Variants in FNBP4 observed in about 807,000 individuals in gnomAD.
The protein encoded by FNBP4 is formin-binding protein 4.
A neutral mutation model predicts 119.3 loss-of-function variants in FNBP4; 34 were observed. That is an observed-to-expected ratio of 0.28 (90% confidence interval 0.22 to 0.38). FNBP4 has a LOEUF of 0.38. FNBP4 is among the 10% of genes least tolerant of loss of function. FNBP4 has a pLI of 1.00. For missense variants in FNBP4, 1,112 were observed against 1,228.9 expected, an observed-to-expected ratio of 0.90 and a Z score of 1.42; for synonymous variants, 462 against 430.6, an observed-to-expected ratio of 1.07 and a Z score of -0.90.
At chr11:47,766,133 C>T (rs1002798836) in intron 1 of FNBP4, among the ~76,000 whole-genome samples, 1 of 151,878 alleles carries the variant, frequency 6.6e-6, no homozygotes, top group Non-Finnish European at 1.5e-5. Context: ...GCCCGGGAAA[C>T]ATGAACTCCG....
At chr11:47,729,588 C>A (rs1305633003) in intron 12 of FNBP4, 1 of 946,360 alleles carries the variant, frequency 1.1e-6, no homozygotes, top group African/African-American at 1.8e-5. Flanking sequence ...TGGCTTACTG[C>A]AGCCTCAAAA....
At chr11:47,742,903 TAAAAAG>T (rs941625911) in intron 8 of FNBP4, among the ~76,000 whole-genome samples, 1 of 151,362 alleles carries the variant, frequency 6.6e-6, no homozygotes, top group Non-Finnish European at 1.5e-5. Context: ...AAAATATAAA[TAAAAAG>T]AAAAGAAAAA....
chr11:47,753,778 A>G (rs1397227131), intron 3 of FNBP4, among the ~76,000 whole-genome samples: 1 of 152,144 alleles, frequency 6.6e-6, no homozygotes, highest in Non-Finnish European at 1.5e-5. Flanking sequence ...CCTGGGTGAC[A>G]GTAAGACCCA....
rs751135047 is a variant in FNBP4 at position 47,724,643 on chromosome 11, G to C, written c.2144C>G (p.Pro715Arg). ...PPLPLEMPPP[P>R]PPPPESPPPP... ...TGGAGGTGATTCTGGAGGTGGAGGT[G>C]GGGGTGGTGGCATTTCCAAGGGTAA... Residue 715 changes from proline (P) to arginine (R), a missense_variant, in exon 13 of 17, where the codon CCA becomes CGA. By Grantham distance (103) the Pro-to-Arg change is moderately radical (BLOSUM62 -2). Transcript: ENST00000263773. The C allele has an allele frequency of 4.3e-6, 7 of 1,614,094 alleles. No homozygotes were observed. The highest frequency in any genetic ancestry group is 5.9e-6 in the Non-Finnish European group (7 of 1,179,996).
In FNBP4 at chr11:47,732,500, C is replaced by T; in HGVS notation, c.1820+37G>A. 1 of 1,612,694 alleles carries T rather than the reference C, an allele frequency of 6.2e-7. No individual in the cohort carries two copies. Among genetic ancestry groups the T allele is most frequent in the East Asian group, 2.2e-5 (1 of 44,842 alleles). On this transcript the variant is annotated intron_variant, in intron 11 of 16. Transcript: ENST00000263773. The surrounding 1 kb of genome is among the most constrained non-coding windows in gnomAD (Gnocchi z 4.2). ...TGATCACAAATCATGTCTGAGATGTCAAAGGTGAAAGGTGAAAAGGGGAGA... is the reference window on the plus strand; with the variant it reads ...TGATCACAAATCATGTCTGAGATGTTAAAGGTGAAAGGTGAAAAGGGGAGA...
In FNBP4 at chr11:47,717,181, G is replaced by A. The variant is rs138159423; in HGVS notation, c.*241C>T. On this transcript the variant is annotated 3_prime_UTR_variant, in exon 17 of 17. Transcript: ENST00000263773. Reference sequence around the variant, plus strand: ...GAGGTTAATACACCTAACATGCTAAGTTTGCCAGTTTGAGAATAAAGGCAG... The same window carrying A: ...GAGGTTAATACACCTAACATGCTAAATTTGCCAGTTTGAGAATAAAGGCAG... 1,111 of 451,264 alleles carry A rather than the reference G, an allele frequency of 2.5e-3. No individual in the cohort carries two copies. The highest frequency in any genetic ancestry group is 0.012 in the Middle Eastern group (19 of 1,616). The allele number at this position is 451,264 out of a possible 1,614,324, so 28.0% of individuals were successfully genotyped here.
At chr11:47,755,702 G>A (rs1057317860) in intron 2 of FNBP4, among the ~76,000 whole-genome samples, 2 of 150,866 alleles carry the variant, frequency 1.3e-5, no homozygotes, top group African/African-American at 4.9e-5. Flanking sequence ...GAGGTGCAAG[G>A]ATAGCTTGAG....
chr11:47,736,238 CTT>C (rs764103106), intron 9 of FNBP4, among the ~76,000 whole-genome samples: 32 of 111,394 alleles, frequency 2.9e-4, no homozygotes, highest in East Asian at 1.1e-3. Flanking sequence ...AACACTCTCT[CTT>C]GGGAAAAAAA....
intron 6 of FNBP4, among the ~76,000 whole-genome samples, chr11:47,747,540 C>T (rs187348805): frequency 2.4e-3 from 372 of 152,264 alleles, no homozygotes; most frequent in Middle Eastern, 0.014. Context: ...CTCCTGACCT[C>T]AGGTGATCTG....
chr11:47,732,750 C>A lies in FNBP4; in HGVS notation c.1687-80G>T. 1.5e-6 allele frequency: 2 copies of A among 1,335,238 alleles called. No individual in the cohort carries two copies. The highest frequency in any genetic ancestry group is 2.1e-6 in the Non-Finnish European group (2 of 934,992). The allele number at this position is 1,335,238 out of a possible 1,614,324, so 82.7% of individuals were successfully genotyped here. On this transcript the variant is annotated intron_variant, in intron 10 of 16. Transcript: ENST00000263773. The surrounding 1 kb of genome is among the most constrained non-coding windows in gnomAD (Gnocchi z 4.2). ...AGGCAAAGGGGATATAAACCTTCTG[C>A]TCCAAGACTATATCCCTGTGCTCTG...
chr11:47,723,697 C>T (rs562574924), intron 14 of FNBP4, among the ~76,000 whole-genome samples: 3 of 152,098 alleles, frequency 2.0e-5, no homozygotes, highest in South Asian at 2.1e-4. Flanking sequence ...CCTGAGTAGC[C>T]GGGACTACAG....
chr11:47,765,331 T>A lies in FNBP4; in HGVS notation c.252A>T (p.Arg84Ser). The change falls in exon 2 of 17, where the codon AGA (arginine) becomes AGT (serine). Residue 84 changes from arginine to serine, a missense_variant. By Grantham distance (110) the Arg-to-Ser change is moderately radical (BLOSUM62 -1). Transcript: ENST00000263773. ...DEQEAVQEVP[R>S]VVQNPPKPVM... is the part of the protein sequence containing the mutation. ...CTGGTTTTGGAGGATTCTGAACAAC[T>A]CTAGGAACCTCCTGCACCGCTTCCT... The A allele has an allele frequency of 1.2e-6, 2 of 1,609,286 alleles. No individual in the cohort carries two copies. Among genetic ancestry groups the A allele is most frequent in the Non-Finnish European group, 1.7e-6 (2 of 1,178,256 alleles).
chr11:47,745,972 A>G, intron 7 of FNBP4, 84 bp downstream of exon 7: 3 of 1,218,506 alleles, frequency 2.5e-6, no homozygotes, highest in South Asian at 1.6e-5. Flanking sequence ...CAAAATCCCA[A>G]TAATGGTTGT....
Position 47,718,905 on chromosome 11 carries a change from GT to G in FNBP4, c.2963+1023del, listed in dbSNP as rs35422529. ...GTGAGCCACAGTGCCCACCCAACATGTTTTTTTTTTTTTTTTTTGAGATGGA... is the reference window on the plus strand; with the variant it reads ...GTGAGCCACAGTGCCCACCCAACATGTTTTTTTTTTTTTTTTTGAGATGGA... On this transcript the variant is annotated intron_variant, in intron 16 of 16. Coordinates refer to ENST00000263773, the MANE Select transcript of FNBP4 (RefSeq NM_015308.5). Among the ~76,000 whole-genome samples, 482 of 130,322 alleles carry G rather than the reference GT, an allele frequency of 3.7e-3. 4 individuals are homozygous for G. The highest frequency in any genetic ancestry group is 2.6e-3 in the Non-Finnish European group (161 of 61,498). The allele number at this position is 130,322 out of a possible 152,430, so 85.5% of individuals were successfully genotyped here. A position where few individuals can be genotyped will look rare whatever the true frequency, so the allele number is the denominator to read the frequency against.
chr11:47,729,567 T>C (rs545619832), intron 12 of FNBP4: 321 of 964,040 alleles, frequency 3.3e-4, no homozygotes, highest in Middle Eastern at 5.3e-4. Flanking sequence ...TGGAGTGCAG[T>C]GGTACAATTA....
chr11:47,767,051 C>A lies in FNBP4; in HGVS notation c.220+18G>T. The A allele has an allele frequency of 1.3e-6, 2 of 1,520,528 alleles. No individual in the cohort carries two copies. Among genetic ancestry groups the A allele is most frequent in the South Asian group, 1.2e-5 (1 of 82,700 alleles). 94.2% of individuals were successfully genotyped at this position (1,520,528 alleles called of 1,614,324 possible). ...GCAAGCCCTGAGCTCGAGTTCAGGT[C>A]CCCCCGCGCACCCTTGCCTTCTGAA... On this transcript the variant is annotated intron_variant, in intron 1 of 16. Transcript: ENST00000263773.
In FNBP4 at chr11:47,746,231, T is replaced by G. The variant is rs1230031289; in HGVS notation, c.1070A>C (p.Glu357Ala). Reference sequence around the variant, plus strand: ...TGCTTCTTCTACTGTTGTACTTGTTTCTTTTACTTCTGAAACTGGCTCCTC... The same window carrying G: ...TGCTTCTTCTACTGTTGTACTTGTTGCTTTTACTTCTGAAACTGGCTCCTC... ...CKEEPVSEVK[E>A]TSTTVEEATT... Residue 357 changes from glutamate (E) to alanine (A), a missense_variant, in exon 7 of 17, where the codon GAA becomes GCA. Glu to Ala is a moderately radical substitution (Grantham distance 107). Transcript: ENST00000263773. The G allele has an allele frequency of 6.2e-7, 1 of 1,614,218 alleles. No homozygotes were observed. The highest frequency in any genetic ancestry group is 8.5e-7 in the Non-Finnish European group (1 of 1,180,042).
At position 47,724,483 on chromosome 11, in the gene FNBP4, T is replaced by C. The variant is rs760610404; in HGVS notation, c.2304A>G (p.Thr768=). 1.2e-6 allele frequency: 2 copies of C among 1,614,096 alleles called. No individual in the cohort carries two copies. Among genetic ancestry groups the C allele is most frequent in the Non-Finnish European group, 1.7e-6 (2 of 1,180,034 alleles). The change falls in exon 13 of 17, where the codon ACA becomes ACG. Residue 768 remains threonine, a synonymous_variant. Transcript: ENST00000263773. ...DTPLKPSAQT[T]VVTSQSSVDS... Reference sequence around the variant, plus strand: ...AATTACTTACCTGGCTAGTTACAACTGTGGTTTGTGCTGAAGGTTTCAAAG... The same window carrying C: ...AATTACTTACCTGGCTAGTTACAACCGTGGTTTGTGCTGAAGGTTTCAAAG...
intron 4 of FNBP4, 38 bp from the exon 5 acceptor site, chr11:47,751,328 A>G (rs1223283218): frequency 6.2e-7 from 1 of 1,611,782 alleles, no homozygotes; most frequent in Admixed American, 1.7e-5. Context: ...AAATCCCTCT[A>G]CAATTCTGGC....
Sources: gnomAD v4.1 joint callset for allele counts (sites outside exome capture counted in the v4.1 genomes callset) on GRCh38, gnomAD v4.1.1 for gene constraint, Gnocchi (gnomAD v3.1) non-coding constraint, MANE v1.5 for transcripts, NCBI Gene and HGNC (gene_info 2026-07-23, HGNC 2026-07-21) for gene names.